CDK6: variants seen among roughly 807,000 people sequenced by gnomAD.
CDK6 encodes the protein cyclin-dependent kinase 6.
Under a neutral mutation model 37.1 loss-of-function variants are expected in CDK6, and 6 were observed. That is an observed-to-expected ratio of 0.16 (90% CI 0.09 to 0.32). The LOEUF is 0.32. Among genes scored for constraint, CDK6 ranks in the 10% least tolerant of loss-of-function variants. The pLI is 1.00. For missense variants in CDK6, 224 were observed against 418.9 expected, an observed-to-expected ratio of 0.53 and a Z score of 4.06; for synonymous variants, 160 against 161.3, an observed-to-expected ratio of 0.99 and a Z score of 0.06.
intron 3 of CDK6, among the ~76,000 whole-genome samples, chr7:92,770,449 A>G (rs1799684606): frequency 6.7e-6 from 1 of 150,352 alleles, no homozygotes; most frequent in African/African-American, 2.5e-5. Context: ...CTCTTAATGT[A>G]CTTTATTAAA....
intron 5 of CDK6, among the ~76,000 whole-genome samples, chr7:92,646,403 CTTT>C (rs112119366): frequency 6.9e-6 from 1 of 144,222 alleles, no homozygotes; most frequent in Admixed American, 6.9e-5. Flanking sequence ...TTTTCTTTTT[CTTT>C]TTTTTTTTTG....
intron 4 of CDK6, among the ~76,000 whole-genome samples, chr7:92,690,721 A>G (rs563155503): frequency 1.3e-5 from 2 of 152,334 alleles, no homozygotes; most frequent in South Asian, 4.1e-4. Flanking sequence ...AGCACAAATA[A>G]TCTAAAATAA....
intron 4 of CDK6, among the ~76,000 whole-genome samples, chr7:92,674,171 C>T (rs555170386): frequency 9.2e-5 from 14 of 151,454 alleles, no homozygotes; most frequent in Middle Eastern, 3.4e-3. Context: ...CATATCCCAT[C>T]GCTCTTGTCT....
chr7:92,752,471 A>G (rs893361746), intron 3 of CDK6, among the ~76,000 whole-genome samples: 5 of 152,356 alleles, frequency 3.3e-5, no homozygotes, highest in Admixed American at 1.3e-4. Flanking sequence ...ATGAAATGCT[A>G]TACCAAATGC....
intron 3 of CDK6, among the ~76,000 whole-genome samples, chr7:92,766,072 A>G (rs1375392940): frequency 6.6e-6 from 1 of 152,184 alleles, no homozygotes; most frequent in Admixed American, 6.5e-5. Flanking sequence ...GGGGAGCACT[A>G]GATCATGTAG....
intron 5 of CDK6, among the ~76,000 whole-genome samples, chr7:92,630,885 G>A (rs975651889): frequency 5.9e-5 from 9 of 152,138 alleles, no homozygotes; most frequent in African/African-American, 2.2e-4. Context: ...GATTAGAGAC[G>A]ATCAGGGACA....
chr7:92,773,362 A>G (rs1412872007), intron 3 of CDK6, among the ~76,000 whole-genome samples: 3 of 152,240 alleles, frequency 2.0e-5, no homozygotes, highest in Non-Finnish European at 4.4e-5. Flanking sequence ...AAGAAATGGC[A>G]TGAGAAGGAA....
intron 2 of CDK6, among the ~76,000 whole-genome samples, chr7:92,826,127 AATG>A (rs1801304250): frequency 6.6e-6 from 1 of 152,050 alleles, no homozygotes; most frequent in African/African-American, 2.4e-5. Context: ...ACCCCTTTTC[AATG>A]ATTTCACTCA....
intron 5 of CDK6, among the ~76,000 whole-genome samples, chr7:92,648,276 T>C (rs1796495647): frequency 6.6e-6 from 1 of 152,162 alleles, no homozygotes. Flanking sequence ...TTTGCCAGCA[T>C]TCATGAAACT....
intron 4 of CDK6, among the ~76,000 whole-genome samples, chr7:92,723,339 A>C (rs1417052546): frequency 6.6e-6 from 1 of 152,222 alleles, no homozygotes; most frequent in Non-Finnish European, 1.5e-5. Context: ...TCAGTTTTGA[A>C]TCAGTTAACT....
Position 92,613,953 on chromosome 7 carries a change from G to A in CDK6, c.*1187C>T, listed in dbSNP as rs183424870. The A allele has an allele frequency of 4.3e-6, 1 of 233,194 alleles. No individual in the cohort carries two copies. Among genetic ancestry groups the A allele is most frequent in the East Asian group, 6.0e-5 (1 of 16,560 alleles). The allele number at this position is 233,194 out of a possible 1,614,324, so 14.4% of individuals were successfully genotyped here. A position where few individuals can be genotyped will look rare whatever the true frequency, so the allele number is the denominator to read the frequency against. ...AAGCAAGCAAACAGGTGGTGCATGGGAACAGCTTAAGCAATCTGTTATTAG... is the reference window on the plus strand; with the variant it reads ...AAGCAAGCAAACAGGTGGTGCATGGAAACAGCTTAAGCAATCTGTTATTAG... On this transcript the variant is annotated 3_prime_UTR_variant, in exon 8 of 8. Coordinates refer to ENST00000424848, the MANE Select transcript of CDK6 (RefSeq NM_001145306.2).
chr7:92,683,870 A>G (rs1266279500), intron 4 of CDK6, among the ~76,000 whole-genome samples: 1 of 152,262 alleles, frequency 6.6e-6, no homozygotes, highest in Non-Finnish European at 1.5e-5. Context: ...CTTAGATTGC[A>G]GCATTAGGAA....
rs1230938672 is a variant in CDK6 at position 92,774,808 on chromosome 7, G to A, written c.257C>T (p.Ser86Leu). Residue 86 changes from serine (S) to leucine (L), a missense_variant, in exon 3 of 8, where the codon TCA (serine) becomes TTA (leucine). This residue lies in a region of CDK6 where 82 missense variants were observed against 202.1 expected (regional missense o/e 0.41). Transcript: ENST00000424848. ...TAGTTTGGTTTCTCTGTCTGTTCGT[G>A]ACACTGTGCACACATCAAACAACCT... ...VVRLFDVCTVSRTDRETKLTL... is the reference protein window; with the variant it reads ...VVRLFDVCTVLRTDRETKLTL... 4 of 1,611,460 alleles carry A rather than the reference G, an allele frequency of 2.5e-6. No individual in the cohort carries two copies. The African/African-American group carries it at 4.0e-5, about 16-fold the overall frequency.
intron 4 of CDK6, among the ~76,000 whole-genome samples, chr7:92,711,459 AT>A (rs1798090003): frequency 6.6e-6 from 1 of 151,372 alleles, no homozygotes. Context: ...ATAAAAGTTC[AT>A]TTAACAAACT....
At chr7:92,818,076 A>T (rs1349571588) in intron 2 of CDK6, among the ~76,000 whole-genome samples, 1 of 151,978 alleles carries the variant, frequency 6.6e-6, no homozygotes, top group Non-Finnish European at 1.5e-5. Context: ...ATGCTATCCC[A>T]ATAGGAGAAT....
intron 5 of CDK6, among the ~76,000 whole-genome samples, chr7:92,669,199 T>C (rs1268899182): frequency 6.6e-6 from 1 of 152,200 alleles, no homozygotes; most frequent in Non-Finnish European, 1.5e-5. Context: ...AGAAAAAATT[T>C]TGATGAATTA....
At chr7:92,766,220 C>T (rs1306215526) in intron 3 of CDK6, among the ~76,000 whole-genome samples, 1 of 152,134 alleles carries the variant, frequency 6.6e-6, no homozygotes. Context: ...GGGGCAGGAG[C>T]AGAAGTGGTG....
chr7:92,649,951 G>A (rs1796535140), intron 5 of CDK6, among the ~76,000 whole-genome samples: 1 of 152,180 alleles, frequency 6.6e-6, no homozygotes, highest in Non-Finnish European at 1.5e-5. Context: ...AACACATCTT[G>A]AAAAGCTTGT....
Position 92,772,961 on chromosome 7 carries a change from A to T in CDK6, c.369+1735T>A, listed in dbSNP as rs144878207. Among the ~76,000 whole-genome samples the T allele has an allele frequency of 9.2e-5, 14 of 152,326 alleles. No homozygotes were observed. The East Asian group carries it at 2.7e-3, about 29-fold the overall frequency. On this transcript the variant is annotated intron_variant, in intron 3 of 7. Transcript: ENST00000424848. Reference sequence around the variant, plus strand: ...ATCTGTCTGTTTTTTTAAAAAAAAGATACTCCCCAAATAACTTTGAACTTA... The same window carrying T: ...ATCTGTCTGTTTTTTTAAAAAAAAGTTACTCCCCAAATAACTTTGAACTTA...
Sources: allele counts gnomAD v4.1 joint callset (sites outside exome capture counted in the v4.1 genomes callset), GRCh38; gene constraint gnomAD v4.1.1; regional missense constraint gnomAD v4.1.1; transcripts MANE v1.5; gene names NCBI Gene and HGNC (gene_info 2026-07-23, HGNC 2026-07-21).